Variants in CYP7B1 observed in about 807,000 individuals in gnomAD.
CYP7B1 encodes cytochrome P450 family 7 subfamily B member 1.
Under a neutral mutation model 42.7 loss-of-function variants are expected in CYP7B1, and 29 were observed. The observed-to-expected ratio is 0.68, with a 90% CI of 0.51 to 0.93. The LOEUF (loss-of-function observed/expected upper bound fraction) is 0.93, where lower values mean the gene tolerates loss of function less well. Among genes scored for constraint, CYP7B1 ranks in the 40% least tolerant of loss-of-function variants. CYP7B1 has a pLI of 0.00. For synonymous variants in CYP7B1, 235 were observed against 218.2 expected (o/e 1.08, Z -0.68); for missense variants, 655 against 600.5 (o/e 1.09, Z -0.95).
At chr8:64,743,833 T>G (rs1222642301) in intron 1 of CYP7B1, among the ~76,000 whole-genome samples, 2 of 152,186 alleles carry the variant, frequency 1.3e-5, no homozygotes, top group African/African-American at 4.8e-5. Flanking sequence ...TATTTTTAAT[T>G]TATTTGTTTG....
chr8:64,764,838 A>G (rs527244158), intron 1 of CYP7B1, among the ~76,000 whole-genome samples: 1 of 152,358 alleles, frequency 6.6e-6, no homozygotes, highest in Admixed American at 6.5e-5. Flanking sequence ...CTGTTAGAAA[A>G]AGGTGATTTA....
chr8:64,672,940 C>T (rs548045997), intron 1 of CYP7B1, among the ~76,000 whole-genome samples: 89 of 152,108 alleles, frequency 5.9e-4, no homozygotes, highest in Admixed American at 1.6e-3. Context: ...ATGTTTAATC[C>T]GGCTTAAAAA....
At chr8:64,668,682 T>A (rs1230627194) in intron 1 of CYP7B1, among the ~76,000 whole-genome samples, 11 of 129,692 alleles carry the variant, frequency 8.5e-5, no homozygotes, top group African/African-American at 2.3e-4. Flanking sequence ...TGTTTTTTTT[T>A]AAAAGGAAAA....
chr8:64,768,434 A>G (rs1804149761), intron 1 of CYP7B1, among the ~76,000 whole-genome samples: 1 of 152,120 alleles, frequency 6.6e-6, no homozygotes, highest in Non-Finnish European at 1.5e-5. Flanking sequence ...TGCATTTTCA[A>G]TATTTAGTTT....
At chr8:64,765,354 A>G (rs1044684743) in intron 1 of CYP7B1, among the ~76,000 whole-genome samples, 2 of 152,214 alleles carry the variant, frequency 1.3e-5, no homozygotes, top group Non-Finnish European at 2.9e-5. Flanking sequence ...AAAAATCTCT[A>G]TCTCAATCCT....
rs60537805 is a variant in CYP7B1 at position 64,756,640 on chromosome 8, C to T, written c.122+41826G>A. ...CAGAAATGTTGAAACCATGCCCCTGCCCGCTAGCATCTCACAATCTGCTTC... is the reference window on the plus strand; with the variant it reads ...CAGAAATGTTGAAACCATGCCCCTGTCCGCTAGCATCTCACAATCTGCTTC... On this transcript the variant is annotated intron_variant, in intron 1 of 5. Coordinates refer to ENST00000310193, the MANE Select transcript of CYP7B1 (RefSeq NM_004820.5). Among the ~76,000 whole-genome samples, 37 of 152,296 alleles carry T rather than the reference C, an allele frequency of 2.4e-4. No individual in the cohort carries two copies. In the East Asian group the frequency reaches 5.8e-3, roughly 24 times the overall value.
intron 1 of CYP7B1, among the ~76,000 whole-genome samples, chr8:64,723,975 G>A (rs1217966138): frequency 6.6e-6 from 1 of 151,944 alleles, no homozygotes; most frequent in African/African-American, 2.4e-5. Context: ...AAAACTAACT[G>A]GCAAAATCCC....
intron 1 of CYP7B1, chr8:64,734,401 C>T (rs1807456251): frequency 6.6e-6 from 1 of 152,188 alleles, no homozygotes; most frequent in East Asian, 1.9e-4. Context: ...TGTCTGGTAT[C>T]TCTGCTTCTA....
intron 1 of CYP7B1, among the ~76,000 whole-genome samples, chr8:64,763,603 C>G (rs912611175): frequency 1.3e-5 from 2 of 152,198 alleles, no homozygotes; most frequent in African/African-American, 4.8e-5. Context: ...GCACGGCTGC[C>G]GGACTTAAGA....
In CYP7B1 at chr8:64,591,785, G is replaced by A. The variant is rs1563534572; in HGVS notation, c.*4857C>T. Among the ~76,000 whole-genome samples, 1 of 152,098 alleles carries A rather than the reference G, an allele frequency of 6.6e-6. No individual in the cohort carries two copies. The highest frequency in any genetic ancestry group is 1.5e-5 in the Non-Finnish European group (1 of 68,016). ...GTAGCTTTTTCTTAACCACTTCAGG[G>A]CTTTAGTTTCTGCTGAGTGTTTCAT... On this transcript the variant is annotated 3_prime_UTR_variant, in exon 6 of 6. Coordinates refer to ENST00000310193, the MANE Select transcript of CYP7B1 (RefSeq NM_004820.5).
At chr8:64,678,869 T>C (rs2129631889) in intron 1 of CYP7B1, among the ~76,000 whole-genome samples, 1 of 145,940 alleles carries the variant, frequency 6.9e-6, no homozygotes, top group Admixed American at 7.0e-5. Context: ...TTGCTTTTGT[T>C]AAACATCAAT....
chr8:64,682,970 C>A (rs10090584), intron 1 of CYP7B1, among the ~76,000 whole-genome samples: 118,686 of 152,192 alleles, frequency 0.78, 46,893 homozygotes, highest in African/African-American at 0.84. Flanking sequence ...AGGCCAAAAA[C>A]CTTGATTGAA....
intron 1 of CYP7B1, among the ~76,000 whole-genome samples, chr8:64,637,970 C>G (rs1032979178): frequency 3.3e-5 from 5 of 152,046 alleles, no homozygotes; most frequent in African/African-American, 1.2e-4. Flanking sequence ...TGACTTTATC[C>G]CTTTCATAGA....
At chr8:64,754,188 G>A (rs1467183055) in intron 1 of CYP7B1, among the ~76,000 whole-genome samples, 3 of 152,230 alleles carry the variant, frequency 2.0e-5, no homozygotes, top group Admixed American at 6.5e-5. Context: ...CTCTAAATAG[G>A]ATGCTCGTTC....
At chr8:64,606,436 G>A (rs1805283819) in intron 4 of CYP7B1, among the ~76,000 whole-genome samples, 1 of 152,226 alleles carries the variant, frequency 6.6e-6, no homozygotes, top group Admixed American at 6.5e-5. Context: ...GCTGACATAT[G>A]TAGCAATGCT....
At chr8:64,732,209 G>A (rs1182952878) in intron 1 of CYP7B1, among the ~76,000 whole-genome samples, 4 of 152,206 alleles carry the variant, frequency 2.6e-5, no homozygotes, top group Non-Finnish European at 4.4e-5. Flanking sequence ...AGGCAAGCCT[G>A]TGAAAGCAGC....
At chr8:64,717,463 A>G (rs1807173270) in intron 1 of CYP7B1, among the ~76,000 whole-genome samples, 1 of 152,204 alleles carries the variant, frequency 6.6e-6, no homozygotes, top group South Asian at 2.1e-4. Context: ...CCCCTAAATC[A>G]TGTATCTATT....
At chr8:64,767,964 G>A in intron 1 of CYP7B1, among the ~76,000 whole-genome samples, 1 of 152,136 alleles carries the variant, frequency 6.6e-6, no homozygotes, top group East Asian at 1.9e-4. Flanking sequence ...AGTTCAGCAG[G>A]AAGCAGTTAA....
downstream of CYP7B1, among the ~76,000 whole-genome samples, chr8:64,587,991 A>C (rs1804991250): frequency 6.6e-6 from 1 of 152,212 alleles, no homozygotes; most frequent in African/African-American, 2.4e-5. Context: ...CTTGGGAAAG[A>C]GTTAATTCTT....
Sources: allele counts gnomAD v4.1 joint callset (sites outside exome capture counted in the v4.1 genomes callset), GRCh38; gene constraint gnomAD v4.1.1; transcripts MANE v1.5; gene names NCBI Gene and HGNC (gene_info 2026-07-23, HGNC 2026-07-21).